KCND2: variants seen among roughly 807,000 people sequenced by gnomAD.
KCND2 encodes the protein A-type voltage-gated potassium channel KCND2.
A neutral mutation model predicts 54.4 loss-of-function variants in KCND2; 16 were observed. The observed-to-expected ratio is 0.29, with a 90% CI of 0.20 to 0.45. The LOEUF (loss-of-function observed/expected upper bound fraction) is 0.45, where lower values mean the gene tolerates loss of function less well. KCND2 is among the 20% of genes least tolerant of loss of function. The probability of loss-of-function intolerance (pLI) is 1.00; values close to 1 mark genes in which losing one functional copy is unlikely to be tolerated. For missense variants in KCND2, 486 were observed against 824.2 expected, an observed-to-expected ratio of 0.59 and a Z score of 5.02; for synonymous variants, 317 against 310.7, an observed-to-expected ratio of 1.02 and a Z score of -0.21.
At chr7:120,287,650 C>T (rs1298902055) in intron 1 of KCND2, among the ~76,000 whole-genome samples, 1 of 152,032 alleles carries the variant, frequency 6.6e-6, no homozygotes, top group African/African-American at 2.4e-5. Flanking sequence ...ATCAGGAGTT[C>T]AAGACCAGCC....
chr7:120,409,314 T>C (rs1222689476), intron 1 of KCND2, among the ~76,000 whole-genome samples: 1 of 151,956 alleles, frequency 6.6e-6, no homozygotes, highest in Non-Finnish European at 1.5e-5. Context: ...GTTTATCAAT[T>C]TACTAGCTGA....
intron 1 of KCND2, among the ~76,000 whole-genome samples, chr7:120,355,647 A>C (rs1384110392): frequency 6.6e-6 from 1 of 152,186 alleles, no homozygotes. Flanking sequence ...ATTTTACTAC[A>C]TACTACTAGC....
chr7:120,707,195 G>A (rs1486471375), intron 1 of KCND2, among the ~76,000 whole-genome samples: 1 of 152,100 alleles, frequency 6.6e-6, no homozygotes, highest in Non-Finnish European at 1.5e-5. Context: ...ATGTTTGGAA[G>A]AATTTTCCAC....
intron 1 of KCND2, among the ~76,000 whole-genome samples, chr7:120,606,960 G>A (rs1243560002): frequency 1.3e-5 from 2 of 152,096 alleles, no homozygotes; most frequent in Admixed American, 1.3e-4. Flanking sequence ...GGGTTTTGCT[G>A]TGGATTGCAT....
chr7:120,422,866 G>A (rs1801646948), intron 1 of KCND2, among the ~76,000 whole-genome samples: 1 of 152,184 alleles, frequency 6.6e-6, no homozygotes, highest in Non-Finnish European at 1.5e-5. Flanking sequence ...GAATATCAGA[G>A]TAAAGTCATC....
intron 1 of KCND2, among the ~76,000 whole-genome samples, chr7:120,575,352 C>T (rs1309710456): frequency 6.6e-6 from 1 of 152,074 alleles, no homozygotes; most frequent in East Asian, 1.9e-4. Context: ...GTCCAGTGTT[C>T]GAGGGCAGGA....
intron 2 of KCND2, among the ~76,000 whole-genome samples, chr7:120,738,592 C>G (rs1792902437): frequency 6.6e-6 from 1 of 151,970 alleles, no homozygotes; most frequent in Non-Finnish European, 1.5e-5. Context: ...TTTCATACAG[C>G]TAAAATAAAG....
chr7:120,686,118 C>A (rs1049783432), intron 1 of KCND2, among the ~76,000 whole-genome samples: 1 of 152,032 alleles, frequency 6.6e-6, no homozygotes, highest in African/African-American at 2.4e-5. Context: ...TTTCTGGCAC[C>A]CCACATAAGA....
intron 1 of KCND2, among the ~76,000 whole-genome samples, chr7:120,565,025 A>G (rs988838813): frequency 8.5e-5 from 13 of 152,278 alleles, no homozygotes; most frequent in East Asian, 5.8e-4. Context: ...TCCATATTCA[A>G]TTTGAGTTCC....
At position 120,408,565 on chromosome 7, in the gene KCND2, C is replaced by T. The variant is rs188354166; in HGVS notation, c.1115+132818C>T. 3.5e-4 allele frequency among the ~76,000 whole-genome samples: 53 copies of T among 151,906 alleles called. 1 individual carries two copies. In the East Asian group the frequency reaches 8.7e-3, roughly 25 times the overall value. ...AATACACAACAAAAAGTTTAAGACT[C>T]GAATTATGCAAATGGTGTTTTGGAA... On this transcript the variant is annotated intron_variant, in intron 1 of 5. Transcript: ENST00000331113.
chr7:120,745,499 T>C (rs1792994678), intron 4 of KCND2, among the ~76,000 whole-genome samples: 1 of 152,040 alleles, frequency 6.6e-6, no homozygotes, highest in African/African-American at 2.4e-5. Flanking sequence ...CCAGATTTTA[T>C]GTTTAAATAA....
chr7:120,385,568 G>A (rs1800976135), intron 1 of KCND2, among the ~76,000 whole-genome samples: 2 of 152,018 alleles, frequency 1.3e-5, no homozygotes, highest in Admixed American at 6.6e-5. Context: ...ATAAGAGAAA[G>A]GTCACTCAGT....
intron 1 of KCND2, among the ~76,000 whole-genome samples, chr7:120,328,640 A>G (rs981345586): frequency 1.3e-5 from 2 of 152,158 alleles, no homozygotes; most frequent in Non-Finnish European, 2.9e-5. Flanking sequence ...ACACCAAAGA[A>G]AGGGAGGAAA....
At chr7:120,713,316 A>G (rs1214712599) in intron 1 of KCND2, among the ~76,000 whole-genome samples, 1 of 152,116 alleles carries the variant, frequency 6.6e-6, no homozygotes, top group Non-Finnish European at 1.5e-5. Flanking sequence ...CTCCATCACG[A>G]ACTGGGAAGT....
intron 1 of KCND2, among the ~76,000 whole-genome samples, chr7:120,492,989 T>G (rs960857347): frequency 2.6e-5 from 4 of 151,978 alleles, no homozygotes; most frequent in African/African-American, 9.7e-5. Context: ...CTGTAAGTAC[T>G]GTCATCGTAA....
chr7:120,723,241 C>T (rs1584896679), intron 1 of KCND2, among the ~76,000 whole-genome samples: 1 of 152,168 alleles, frequency 6.6e-6, no homozygotes, highest in African/African-American at 2.4e-5. Flanking sequence ...CAGGCATTCA[C>T]TGGGACTTTG....
At chr7:120,593,748 G>A (rs1562882502) in intron 1 of KCND2, among the ~76,000 whole-genome samples, 2 of 151,816 alleles carry the variant, frequency 1.3e-5, no homozygotes, top group South Asian at 4.2e-4. Context: ...TACAAATATG[G>A]CCCCACAGAG....
At chr7:120,445,265 CAAAT>C (rs1167071533) in intron 1 of KCND2, among the ~76,000 whole-genome samples, 1 of 151,822 alleles carries the variant, frequency 6.6e-6, no homozygotes, top group Non-Finnish European at 1.5e-5. Context: ...AAAAAGTAAA[CAAAT>C]AAGAAAAGCC....
intron 1 of KCND2, among the ~76,000 whole-genome samples, chr7:120,589,572 A>G (rs1261035484): frequency 6.6e-6 from 1 of 152,212 alleles, no homozygotes; most frequent in Non-Finnish European, 1.5e-5. Context: ...GGCAGCTGGC[A>G]GTAAAATAAT....
Sources: allele counts gnomAD v4.1 joint callset (sites outside exome capture counted in the v4.1 genomes callset), GRCh38; gene constraint gnomAD v4.1.1; transcripts MANE v1.5; gene names NCBI Gene and HGNC (gene_info 2026-07-23, HGNC 2026-07-21).